Variants in METTL6 observed in about 807,000 individuals in gnomAD.
The protein encoded by METTL6 is methyltransferase 6, tRNA N3-cytidine, also known as tRNA N(3)-cytidine methyltransferase METTL6.
A neutral mutation model predicts 26.4 loss-of-function variants in METTL6; 22 were observed. The observed-to-expected ratio is 0.83, with a 90% confidence interval of 0.59 to 1.19. METTL6 has a LOEUF of 1.19. METTL6 is among the 50% of genes most tolerant of loss of function. METTL6 has a pLI of 0.00. For synonymous variants in METTL6, 109 were observed against 116.2 expected (o/e 0.94, Z 0.40); for missense variants, 304 against 324.8 (o/e 0.94, Z 0.49).
chr3:15,384,120 T>C (rs1699131301), exon 7 of METTL6: 1 of 407,366 alleles, frequency 2.5e-6, no homozygotes, highest in Non-Finnish European at 4.8e-6. Flanking sequence ...TTTCTGTGGT[T>C]CATATAATAC....
upstream of METTL6, chr3:15,427,643 G>C (rs750301549): frequency 1.2e-6 from 1 of 855,514 alleles, no homozygotes; most frequent in Non-Finnish European, 1.9e-6. Context: ...CTGGACCCGG[G>C]TGGGTGCCGG....
At chr3:15,391,427 T>C (rs1423192115) in intron 6 of METTL6, among the ~76,000 whole-genome samples, 1 of 152,082 alleles carries the variant, frequency 6.6e-6, no homozygotes, top group Non-Finnish European at 1.5e-5. Flanking sequence ...TCCATGCACA[T>C]TTTTGTGCTC....
chr3:15,392,185 G>A (rs183801845), intron 6 of METTL6, among the ~76,000 whole-genome samples: 4,178 of 152,142 alleles, frequency 0.027, 171 homozygotes, highest in African/African-American at 0.094. Flanking sequence ...TTTAATGACC[G>A]CCATTCTAAC....
Position 15,425,095 on chromosome 3 carries a change from GA to G in METTL6, c.226-7del, listed in dbSNP as rs1352209440. 2.5e-6 allele frequency: 4 copies of G among 1,613,704 alleles called. No individual in the cohort carries two copies. Among genetic ancestry groups the G allele is most frequent in the Non-Finnish European group, 3.4e-6 (4 of 1,179,946 alleles). On this transcript the variant is annotated splice_region_variant and splice_polypyrimidine_tract_variant and intron_variant, in intron 2 of 5. Transcript: ENST00000383790. ...GTTAACTTTTGATCTTCAAACTGGG[GA>G]AAGACAGCTCAAAGTTATAGTATAT... is the stretch of plus-strand genomic sequence containing the variant.
intron 4 of METTL6, 164 bp from the exon 5 acceptor site, chr3:15,414,326 C>T: frequency 7.1e-7 from 1 of 1,413,582 alleles, no homozygotes; most frequent in African/African-American, 1.5e-5. Context: ...GATAGTAAGA[C>T]CAGGCAGGGC....
intron 6 of METTL6, among the ~76,000 whole-genome samples, chr3:15,387,852 C>T (rs1008621771): frequency 6.6e-6 from 1 of 151,280 alleles, no homozygotes; most frequent in African/African-American, 2.4e-5. Context: ...TTGCTCTGTC[C>T]CAAAGGCTGG....
chr3:15,421,300 C>T (rs936056977), intron 3 of METTL6, among the ~76,000 whole-genome samples: 2 of 152,142 alleles, frequency 1.3e-5, no homozygotes, highest in African/African-American at 2.4e-5. Context: ...ATACATACTG[C>T]GTGATCTTAA....
chr3:15,381,487 T>C (rs1699082572), exon 7 of METTL6: 1 of 152,194 alleles, frequency 6.6e-6, no homozygotes, highest in Admixed American at 6.5e-5. Context: ...AACTTTGTCC[T>C]TGGTCAGGTC....
intron 5 of METTL6, among the ~76,000 whole-genome samples, chr3:15,411,675 G>A (rs1020865438): frequency 1.3e-5 from 2 of 151,674 alleles, no homozygotes; most frequent in African/African-American, 4.8e-5. Flanking sequence ...CCTGGTGTTC[G>A]CATCTTGCCT....
chr3:15,416,440 A>C (rs1700209775), intron 3 of METTL6, among the ~76,000 whole-genome samples: 1 of 152,136 alleles, frequency 6.6e-6, no homozygotes, highest in Admixed American at 6.5e-5. Flanking sequence ...ATTTTTGTAA[A>C]GATGGGATCT....
intron 3 of METTL6, among the ~76,000 whole-genome samples, chr3:15,419,279 T>A (rs1374132326): frequency 6.6e-6 from 1 of 151,528 alleles, no homozygotes; most frequent in South Asian, 2.1e-4. Flanking sequence ...ATCCTGAAAA[T>A]AAGAAAGAAA....
Position 15,411,325 on chromosome 3 carries a change from A to T in METTL6, c.786T>A (p.Leu262=). The T allele has an allele frequency of 6.2e-7, 1 of 1,614,248 alleles. No homozygotes were observed. Among genetic ancestry groups the T allele is most frequent in the Non-Finnish European group, 8.5e-7 (1 of 1,180,048 alleles). ...KEGLCVPRVF[L]QSKFLKPPKN... ...TAGGAGGCTTTAGAAATTTGCTCTG[A>T]AGGAAAACTCTTGGCACACACAGGC... The change falls in exon 6 of 6, where the codon CTT becomes CTA. Residue 262 remains leucine, a synonymous_variant. Transcript: ENST00000383790.
At chr3:15,385,646 A>G (rs549825601) in intron 6 of METTL6, among the ~76,000 whole-genome samples, 1 of 152,134 alleles carries the variant, frequency 6.6e-6, no homozygotes, top group Admixed American at 6.6e-5. Context: ...GACTGCTTGA[A>G]GCCAAGAGTT....
rs370233548 is a variant in METTL6 at position 15,415,464 on chromosome 3, G to A, written c.531+308C>T. The A allele has an allele frequency of 7.7e-6, 12 of 1,554,580 alleles. No homozygotes were observed. The African/African-American group carries it at 9.5e-5, about 12-fold the overall frequency. On this transcript the variant is annotated intron_variant, in intron 4 of 5. Transcript: ENST00000383790. Reference sequence around the variant, plus strand: ...GAAACACCACACCTGGCCAAACTGTGTACTCTTGACCACTAAACCATAACT... The same window carrying A: ...GAAACACCACACCTGGCCAAACTGTATACTCTTGACCACTAAACCATAACT...
chr3:15,391,263 G>A (rs1183558354), intron 6 of METTL6, among the ~76,000 whole-genome samples: 1 of 152,198 alleles, frequency 6.6e-6, no homozygotes, highest in African/African-American at 2.4e-5. Flanking sequence ...ACACGTGGGT[G>A]GAAAAATGGG....
intron 4 of METTL6, 118 bp from the exon 5 acceptor site, chr3:15,414,280 C>T: frequency 6.8e-7 from 1 of 1,472,712 alleles, no homozygotes; most frequent in Non-Finnish European, 8.9e-7. Context: ...CTGAAATGCC[C>T]ATAATACGGA....
exon 7 of METTL6, chr3:15,384,012 A>G (rs1432899674): frequency 3.0e-6 from 1 of 328,624 alleles, no homozygotes; most frequent in Non-Finnish European, 5.8e-6. Flanking sequence ...CCAGAATAAG[A>G]CTGTAAGTTG....
At chr3:15,393,633 T>C (rs1052801890) in intron 6 of METTL6, among the ~76,000 whole-genome samples, 7 of 152,186 alleles carry the variant, frequency 4.6e-5, no homozygotes, top group African/African-American at 1.4e-4. Context: ...GGCTGTGGGT[T>C]TGTCATAAAT....
intron 6 of METTL6, among the ~76,000 whole-genome samples, chr3:15,393,744 A>T (rs1394834816): frequency 1.3e-5 from 2 of 152,166 alleles, no homozygotes; most frequent in African/African-American, 2.4e-5. Context: ...TTCTGCATCT[A>T]TTGAGATAAT....
Sources: gnomAD v4.1 joint callset for allele counts (sites outside exome capture counted in the v4.1 genomes callset) on GRCh38, gnomAD v4.1.1 for gene constraint, MANE v1.5 for transcripts, NCBI Gene and HGNC (gene_info 2026-07-23, HGNC 2026-07-21) for gene names.